Variants in MYO3B observed in about 807,000 individuals in gnomAD.
MYO3B encodes the protein myosin IIIB.
In MYO3B, 156 loss-of-function variants were observed where a neutral mutation model predicts 174.6. That is an observed-to-expected ratio of 0.89 (90% CI 0.78 to 1.02). MYO3B has a LOEUF of 1.02. MYO3B is among the 50% of genes least tolerant of loss of function. MYO3B has a pLI of 0.00. For missense variants in MYO3B, 1,632 were observed against 1,639.4 expected (o/e 1.00, Z 0.08); for synonymous variants, 563 against 569.1 (o/e 0.99, Z 0.15).
chr2:170,351,152 G>T (rs2094064541), intron 8 of MYO3B: 1 of 152,200 alleles, frequency 6.6e-6, no homozygotes, highest in Non-Finnish European at 1.5e-5. Flanking sequence ...GAAGTGCTCA[G>T]CTGGGCTGAA....
chr2:170,651,821 G>GGGGGGGGGCCCCC, intron 33 of MYO3B, 87 bp downstream of exon 33: 1 of 1,089,322 alleles, frequency 9.2e-7, no homozygotes, highest in Non-Finnish European at 1.4e-6. Flanking sequence ...AGCCCCTGCA[G>GGGGGGGGGCCCCC]CCCCACCCCC....
intron 32 of MYO3B, among the ~76,000 whole-genome samples, chr2:170,563,558 C>T (rs767434602): frequency 2.0e-5 from 3 of 152,172 alleles, no homozygotes; most frequent in Admixed American, 1.3e-4. Context: ...AGAAGCCAGA[C>T]TAGTCTATAC....
chr2:170,519,594 A>G (rs1280275984), intron 30 of MYO3B, 54 bp downstream of exon 30: 1 of 1,336,310 alleles, frequency 7.5e-7, no homozygotes, highest in South Asian at 1.2e-5. Context: ...CTCCATTCTA[A>G]TGGATAATGA....
In MYO3B at chr2:170,404,261, T is replaced by C; in HGVS notation, c.2292T>C (p.Asn764=). 6.2e-7 allele frequency: 1 copy of C among 1,605,502 alleles called. No homozygotes were observed. ...VFALEQMEYQ[N]EGIDAVPVEY... is the part of the protein sequence containing the mutation. ...TTTCCCTCCAGATGGAATATCAGAA[T>C]GAAGGCATTGATGCTGTACCCGTGG... The change falls in exon 20 of 35, where the codon AAT becomes AAC. Residue 764 remains asparagine (N), a synonymous_variant. Transcript: ENST00000408978.
At chr2:170,295,195 A>G (rs2093621564) in intron 7 of MYO3B, among the ~76,000 whole-genome samples, 1 of 151,712 alleles carries the variant, frequency 6.6e-6, no homozygotes, top group African/African-American at 2.4e-5. Flanking sequence ...TGTAAATGAC[A>G]TGTATTTGGA....
At chr2:170,612,833 C>G (rs1695205823) in intron 32 of MYO3B, among the ~76,000 whole-genome samples, 1 of 152,240 alleles carries the variant, frequency 6.6e-6, no homozygotes, top group Non-Finnish European at 1.5e-5. Flanking sequence ...TACTGTGCAG[C>G]TTTCTTAGCA....
intron 7 of MYO3B, among the ~76,000 whole-genome samples, chr2:170,284,911 T>C (rs1447370045): frequency 6.6e-6 from 1 of 152,248 alleles, no homozygotes; most frequent in East Asian, 1.9e-4. Flanking sequence ...ATTTATAATA[T>C]AGAGTATGGT....
intron 22 of MYO3B, among the ~76,000 whole-genome samples, chr2:170,425,049 A>G (rs903815334): frequency 2.6e-5 from 4 of 152,004 alleles, no homozygotes; most frequent in Admixed American, 6.6e-5. Flanking sequence ...AAGTCATCCC[A>G]CTCTAAAATC....
intron 6 of MYO3B, among the ~76,000 whole-genome samples, chr2:170,217,821 C>G (rs1348256501): frequency 6.6e-6 from 1 of 152,140 alleles, no homozygotes; most frequent in East Asian, 1.9e-4. Flanking sequence ...TTTTTGTTAC[C>G]AGATACATAG....
At chr2:170,546,953 A>C (rs1040954427) in intron 32 of MYO3B, among the ~76,000 whole-genome samples, 2 of 152,114 alleles carry the variant, frequency 1.3e-5, no homozygotes, top group Non-Finnish European at 2.9e-5. Flanking sequence ...ACTCCATCTC[A>C]AGCTCAGCTT....
At chr2:170,284,859 T>G (rs2093542273) in intron 7 of MYO3B, among the ~76,000 whole-genome samples, 1 of 152,168 alleles carries the variant, frequency 6.6e-6, no homozygotes. Context: ...TGGTGTGTAT[T>G]TTTCTTATGC....
chr2:170,584,276 T>C (rs1693356705), intron 32 of MYO3B, among the ~76,000 whole-genome samples: 2 of 152,234 alleles, frequency 1.3e-5, no homozygotes, highest in Non-Finnish European at 2.9e-5. Flanking sequence ...GGTGTGGGTA[T>C]TTATATCAAA....
At chr2:170,280,969 A>G (rs936832152) in intron 7 of MYO3B, among the ~76,000 whole-genome samples, 14 of 151,934 alleles carry the variant, frequency 9.2e-5, no homozygotes, top group Non-Finnish European at 2.1e-4. Flanking sequence ...GCTCTTTTTT[A>G]GTACCATATG....
intron 6 of MYO3B, among the ~76,000 whole-genome samples, chr2:170,220,515 G>C (rs896034841): frequency 3.3e-5 from 5 of 150,652 alleles, no homozygotes; most frequent in Non-Finnish European, 4.4e-5. Context: ...TGTAGTCCCA[G>C]CTACTCGGGA....
intron 14 of MYO3B, among the ~76,000 whole-genome samples, chr2:170,388,819 A>G (rs1446354898): frequency 1.3e-5 from 2 of 152,226 alleles, no homozygotes; most frequent in Non-Finnish European, 2.9e-5. Flanking sequence ...AAACCCAAGC[A>G]TCTTCCTCTA....
At chr2:170,417,008 T>C (rs895241032) in intron 22 of MYO3B, among the ~76,000 whole-genome samples, 14 of 152,042 alleles carry the variant, frequency 9.2e-5, no homozygotes, top group Admixed American at 2.0e-4. Context: ...TTTGTATTTT[T>C]AGTAGAGACG....
intron 7 of MYO3B, among the ~76,000 whole-genome samples, chr2:170,263,616 C>T (rs762681056): frequency 5.9e-5 from 9 of 152,110 alleles, no homozygotes; most frequent in Non-Finnish European, 1.3e-4. Context: ...CATACATAAA[C>T]ATCTCAGTGC....
At chr2:170,457,072 A>G (rs780512944) in intron 23 of MYO3B, among the ~76,000 whole-genome samples, 1 of 152,234 alleles carries the variant, frequency 6.6e-6, no homozygotes, top group Non-Finnish European at 1.5e-5. Flanking sequence ...ATGTGGTACA[A>G]AAGATTAAAA....
intron 5 of MYO3B, among the ~76,000 whole-genome samples, chr2:170,216,524 CT>C (rs201986886): frequency 1.3e-5 from 2 of 152,146 alleles, no homozygotes; most frequent in East Asian, 3.8e-4. Flanking sequence ...CCTTTACGCT[CT>C]CGTGATATGA....
Sources: allele counts gnomAD v4.1 joint callset (sites outside exome capture counted in the v4.1 genomes callset), GRCh38; gene constraint gnomAD v4.1.1; transcripts MANE v1.5; gene names NCBI Gene and HGNC (gene_info 2026-07-23, HGNC 2026-07-21).